Variants in GFM2 observed in about 807,000 individuals in gnomAD.
The protein encoded by GFM2 is GTP dependent ribosome recycling factor mitochondrial 2.
GFM2 carries 72 observed loss-of-function variants against 95.4 expected under a neutral mutation model. That is an observed-to-expected ratio of 0.76 (90% CI 0.62 to 0.92). The LOEUF (loss-of-function observed/expected upper bound fraction) is 0.92, where lower values mean the gene tolerates loss of function less well. Among genes scored for constraint, GFM2 ranks in the 40% least tolerant of loss-of-function variants. The probability of loss-of-function intolerance (pLI) is 0.00; values close to 1 mark genes in which losing one functional copy is unlikely to be tolerated. For missense variants in GFM2, 825 were observed against 924.1 expected (o/e 0.89, Z 1.39); for synonymous variants, 276 against 317.5 (o/e 0.87, Z 1.39).
rs1750124968 is a variant in GFM2 at position 74,725,922 on chromosome 5, T to C, written c.1912+19A>G. 5 of 1,596,136 alleles carry C rather than the reference T, an allele frequency of 3.1e-6. No homozygotes were observed. The highest frequency in any genetic ancestry group is 4.3e-6 in the Non-Finnish European group (5 of 1,169,138). On this transcript the variant is annotated intron_variant, in intron 18 of 20. Transcript: ENST00000296805. ...GGTTGAGTGGGATACTAATGCTTAC[T>C]CTCATTTGAGTGTCTTACCTTGGAG...
At chr5:74,754,412 A>G (rs947013419) in intron 5 of GFM2, among the ~76,000 whole-genome samples, 1 of 152,152 alleles carries the variant, frequency 6.6e-6, no homozygotes, top group African/African-American at 2.4e-5. Flanking sequence ...CACTTAAAAG[A>G]TAAAGAATGG....
chr5:74,753,747 G>A (rs1012526594), intron 5 of GFM2, among the ~76,000 whole-genome samples: 1 of 152,168 alleles, frequency 6.6e-6, no homozygotes, highest in Non-Finnish European at 1.5e-5. Flanking sequence ...AGAATAACTG[G>A]CATTCCCAAG....
intron 15 of GFM2, 161 bp downstream of exon 15, chr5:74,736,635 C>A: frequency 1.4e-6 from 2 of 1,434,722 alleles, no homozygotes; most frequent in South Asian, 1.6e-5. Flanking sequence ...TTGTAAAAAT[C>A]AAAACATCTT....
At chr5:74,750,489 T>G in intron 7 of GFM2, 90 bp downstream of exon 7, 2 of 788,916 alleles carry the variant, frequency 2.5e-6, no homozygotes, top group Non-Finnish European at 4.2e-6. Flanking sequence ...ACTTACCAAA[T>G]AGATGGTTAC....
In GFM2 at chr5:74,752,702, T is replaced by C. The variant is rs373374362; in HGVS notation, c.305-1209A>G. Among the ~76,000 whole-genome samples the C allele has an allele frequency of 1.6e-4, 24 of 152,342 alleles. No homozygotes were observed. In the East Asian group the frequency reaches 2.1e-3, roughly 13 times the overall value. ...TCTTTATGATTATTCATATGACTAA[T>C]AAAGTCAACCTTGGATCAGCAAGTT... On this transcript the variant is annotated intron_variant, in intron 5 of 20. Transcript: ENST00000296805.
At chr5:74,728,200 G>A (rs112429117) in intron 17 of GFM2, among the ~76,000 whole-genome samples, 46 of 152,198 alleles carry the variant, frequency 3.0e-4, no homozygotes, top group Non-Finnish European at 6.0e-4. Context: ...AAAAATACAT[G>A]CCTAAATTTT....
chr5:74,738,744 G>T, intron 12 of GFM2, 102 bp from the exon 13 acceptor site: 1 of 1,029,482 alleles, frequency 9.7e-7, no homozygotes. Context: ...TTCTAGTAGA[G>T]CTACTTAGAG....
At chr5:74,742,641 A>G (rs1339059611) in intron 10 of GFM2, among the ~76,000 whole-genome samples, 1 of 151,940 alleles carries the variant, frequency 6.6e-6, no homozygotes, top group Non-Finnish European at 1.5e-5. Flanking sequence ...TTATCGCAAA[A>G]TATACACAAC....
At chr5:74,752,721 G>C (rs1480565226) in intron 5 of GFM2, among the ~76,000 whole-genome samples, 1 of 152,130 alleles carries the variant, frequency 6.6e-6, no homozygotes, top group Non-Finnish European at 1.5e-5. Context: ...CCTTGGATCA[G>C]CAAGTTCTAC....
intron 10 of GFM2, among the ~76,000 whole-genome samples, chr5:74,742,132 A>G (rs1743139096): frequency 6.6e-6 from 1 of 152,174 alleles, no homozygotes; most frequent in Non-Finnish European, 1.5e-5. Flanking sequence ...TAAAAATGCA[A>G]TTGTCTATTT....
chr5:74,733,296 G>C, intron 15 of GFM2, 198 bp from the exon 16 acceptor site: 1 of 421,198 alleles, frequency 2.4e-6, no homozygotes, highest in Non-Finnish European at 4.2e-6. Context: ...TTTGCGACCA[G>C]CCTGGGCAAC....
rs757160377 is a variant in GFM2 at position 74,764,778 on chromosome 5, G to GTTTTT, written c.-24-1017_-24-1013dup. Among the ~76,000 whole-genome samples, 136 of 70,500 alleles carry GTTTTT rather than the reference G, an allele frequency of 1.9e-3. 3 individuals are homozygous for GTTTTT. Among genetic ancestry groups the GTTTTT allele is most frequent in the African/African-American group, 5.4e-3 (85 of 15,704 alleles). The allele number at this position is 70,500 out of a possible 152,430, so 46.3% of individuals were successfully genotyped here. ...TATATTTGAATCTGTTCCCTTTGTTGTTTTTTTTTTTTTTTTTTTTTTTTT... is the reference window on the plus strand; with the variant it reads ...TATATTTGAATCTGTTCCCTTTGTTGTTTTTTTTTTTTTTTTTTTTTTTTTTTTTT... On this transcript the variant is annotated intron_variant, in intron 1 of 20. Transcript: ENST00000296805.
chr5:74,736,874 G>T lies in GFM2; in HGVS notation c.1432C>A (p.Leu478Ile). 6.2e-7 allele frequency: 1 copy of T among 1,613,902 alleles called. No homozygotes were observed. Among genetic ancestry groups the T allele is most frequent in the Non-Finnish European group, 8.5e-7 (1 of 1,179,850 alleles). Reference protein sequence around the residue: ...KHRQNNEAERLLLAGVEIPEP... With the variant: ...KHRQNNEAERILLAGVEIPEP... ...GGAATCTCCACTCCAGCCAATAAAA[G>T]TCTCTCTGCTTCATTGTTTTGTCTG... The change falls in exon 15 of 21, where the codon CTT becomes ATT. Residue 478 changes from leucine to isoleucine, a missense_variant. Transcript: ENST00000296805.
chr5:74,746,027 G>C, intron 9 of GFM2, 78 bp downstream of exon 9: 1 of 1,143,958 alleles, frequency 8.7e-7, no homozygotes, highest in South Asian at 1.5e-5. Context: ...TGATGAGATA[G>C]CTTTGGAAAT....
At chr5:74,750,879 G>A (rs1187575223) in intron 6 of GFM2, among the ~76,000 whole-genome samples, 2 of 152,086 alleles carry the variant, frequency 1.3e-5, no homozygotes, top group African/African-American at 2.4e-5. Flanking sequence ...GTCCACTGAT[G>A]TATGAATGGA....
Position 74,741,509 on chromosome 5 carries a change from C to T in GFM2, c.930+20G>A, listed in dbSNP as rs762900464. 8.5e-7 allele frequency: 1 copy of T among 1,175,218 alleles called. No homozygotes were observed. The highest frequency in any genetic ancestry group is 2.4e-5 in the East Asian group (1 of 41,788). 72.8% of individuals were successfully genotyped at this position (1,175,218 alleles called of 1,614,324 possible). On this transcript the variant is annotated intron_variant, in intron 11 of 20. Coordinates refer to ENST00000296805, the MANE Select transcript of GFM2 (RefSeq NM_032380.5). Reference sequence around the variant, plus strand: ...CCAATTAGTAAAATTTTGTGAAAGCCATTGAATAATAAAATTTACCTTTTC... The same window carrying T: ...CCAATTAGTAAAATTTTGTGAAAGCTATTGAATAATAAAATTTACCTTTTC...
chr5:74,746,399 T>C (rs930849739), intron 8 of GFM2, among the ~76,000 whole-genome samples: 2 of 152,228 alleles, frequency 1.3e-5, no homozygotes, highest in Non-Finnish European at 2.9e-5. Context: ...CAGAGCTGTT[T>C]AGGGTATTAT....
chr5:74,750,494 G>A lies in GFM2; in HGVS notation c.519+85C>T. 10 of 835,580 alleles carry A rather than the reference G, an allele frequency of 1.2e-5. 1 individual carries two copies. The South Asian group carries it at 1.3e-4, about 11-fold the overall frequency. The allele number at this position is 835,580 out of a possible 1,614,324, so 51.8% of individuals were successfully genotyped here. On this transcript the variant is annotated intron_variant, in intron 7 of 20. Coordinates refer to ENST00000296805, the MANE Select transcript of GFM2 (RefSeq NM_032380.5). Reference sequence around the variant, plus strand: ...ATTTATGTGAACTTACCAAATAGATGGTTACAGTTAACTAAATTTGACATA... The same window carrying A: ...ATTTATGTGAACTTACCAAATAGATAGTTACAGTTAACTAAATTTGACATA...
chr5:74,731,723 A>G (rs967896774), intron 16 of GFM2, among the ~76,000 whole-genome samples: 12 of 152,224 alleles, frequency 7.9e-5, no homozygotes, highest in African/African-American at 2.9e-4. Flanking sequence ...ACTTGTTTAT[A>G]GGTATCTGTA....
Sources: gnomAD v4.1 joint callset for allele counts (sites outside exome capture counted in the v4.1 genomes callset) on GRCh38, gnomAD v4.1.1 for gene constraint, MANE v1.5 for transcripts, NCBI Gene and HGNC (gene_info 2026-07-23, HGNC 2026-07-21) for gene names.